SNAP91: variants seen among roughly 807,000 people sequenced by gnomAD.
SNAP91 encodes clathrin coat assembly protein AP180.
In SNAP91, 27 loss-of-function variants were observed where a neutral mutation model predicts 100.3. The ratio of observed to expected loss-of-function variants is 0.27; its 90% CI spans 0.20 to 0.37. The LOEUF (loss-of-function observed/expected upper bound fraction) is 0.37, where lower values mean the gene tolerates loss of function less well. Among genes scored for constraint, SNAP91 ranks in the 10% least tolerant of loss-of-function variants. SNAP91 has a pLI of 1.00. For synonymous variants in SNAP91, 404 were observed against 398.6 expected, an observed-to-expected ratio of 1.01 and a Z score of -0.16; for missense variants, 986 against 1,123.7, an observed-to-expected ratio of 0.88 and a Z score of 1.75.
At chr6:83,577,519 T>C (rs9341963) in intron 24 of SNAP91, among the ~76,000 whole-genome samples, 117,657 of 152,014 alleles carry the variant, frequency 0.77, 45,979 homozygotes, top group East Asian at 0.88. Context: ...ATGAATCCCT[T>C]GTCAAATTTC....
chr6:83,661,472 CT>C, intron 5 of SNAP91, 29 bp downstream of exon 5: 1 of 1,367,090 alleles, frequency 7.3e-7, no homozygotes. Context: ...TTATTCTCCT[CT>C]AATAAATATA....
Position 83,658,990 on chromosome 6 carries a change from G to A in SNAP91, c.546+9C>T, listed in dbSNP as rs2098472366. On this transcript the variant is annotated intron_variant, in intron 6 of 29. Transcript: ENST00000369694. Reference sequence around the variant, plus strand: ...TTGTGTATGAAACATTTTCTAGTGAGATACATACATCAAATTCAAGCAGTG... The same window carrying A: ...TTGTGTATGAAACATTTTCTAGTGAAATACATACATCAAATTCAAGCAGTG... 4 of 1,576,700 alleles carry A rather than the reference G, an allele frequency of 2.5e-6. No individual in the cohort carries two copies. The Admixed American group carries it at 7.1e-5, about 28-fold the overall frequency.
In SNAP91 at chr6:83,705,327, G is replaced by A. The variant is rs574920506; in HGVS notation, c.130+2471C>T. Among the ~76,000 whole-genome samples, 4 of 152,038 alleles carry A rather than the reference G, an allele frequency of 2.6e-5. No homozygotes were observed. The South Asian group carries it at 6.2e-4, about 24-fold the overall frequency. On this transcript the variant is annotated intron_variant, in intron 2 of 29. Transcript: ENST00000369694. Reference sequence around the variant, plus strand: ...CATGATAGAATTAAAATTTTTTCATGCATATTATAAAGACTGCAATATGTA... The same window carrying A: ...CATGATAGAATTAAAATTTTTTCATACATATTATAAAGACTGCAATATGTA...
At chr6:83,591,424 G>A (rs755544011) in intron 21 of SNAP91, 130 bp from the exon 22 acceptor site, 7 of 587,866 alleles carry the variant, frequency 1.2e-5, no homozygotes, top group Middle Eastern at 2.7e-4. Flanking sequence ...TTGTGGGTGT[G>A]TGAAATGATC....
At chr6:83,672,978 C>T (rs1343387486) in intron 2 of SNAP91, among the ~76,000 whole-genome samples, 2 of 152,078 alleles carry the variant, frequency 1.3e-5, no homozygotes, top group Non-Finnish European at 2.9e-5. Flanking sequence ...ATTTTATAAT[C>T]ATCTTGTAAA....
At chr6:83,661,009 C>T (rs1242532772) in intron 5 of SNAP91, among the ~76,000 whole-genome samples, 1 of 151,840 alleles carries the variant, frequency 6.6e-6, no homozygotes, top group East Asian at 1.9e-4. Context: ...TTAACTCCTA[C>T]GTTGCCCAGG....
intron 26 of SNAP91, among the ~76,000 whole-genome samples, chr6:83,568,648 T>C (rs1405971460): frequency 1.3e-5 from 2 of 152,150 alleles, no homozygotes; most frequent in Non-Finnish European, 2.9e-5. Flanking sequence ...TAGATCTAAC[T>C]TGGGTTCTGT....
intron 10 of SNAP91, among the ~76,000 whole-genome samples, chr6:83,616,768 C>T (rs544331251): frequency 6.6e-6 from 1 of 152,180 alleles, no homozygotes; most frequent in Non-Finnish European, 1.5e-5. Flanking sequence ...TACTAATTTG[C>T]TGCATTAGCC....
At chr6:83,620,578 T>A (rs2096673651) in intron 9 of SNAP91, among the ~76,000 whole-genome samples, 1 of 152,212 alleles carries the variant, frequency 6.6e-6, no homozygotes, top group Non-Finnish European at 1.5e-5. Flanking sequence ...CGAGGGGCTC[T>A]ACACAGGAAT....
chr6:83,699,092 C>T (rs972917574), intron 2 of SNAP91, among the ~76,000 whole-genome samples: 9 of 152,102 alleles, frequency 5.9e-5, no homozygotes, highest in Non-Finnish European at 1.2e-4. Flanking sequence ...CCTGTGGAAC[C>T]TCTCTGAAGC....
rs528451821 is a variant in SNAP91 at position 83,593,854 on chromosome 6, T to A, written c.1433-113A>T. 2.8e-6 allele frequency: 4 copies of A among 1,417,852 alleles called. No individual in the cohort carries two copies. In the African/African-American group the frequency reaches 5.7e-5, roughly 20 times the overall value. 87.8% of individuals were successfully genotyped at this position (1,417,852 alleles called of 1,614,324 possible). A position where few individuals can be genotyped will look rare whatever the true frequency, so the allele number is the denominator to read the frequency against. On this transcript the variant is annotated intron_variant, in intron 17 of 29. Coordinates refer to ENST00000369694, the MANE Select transcript of SNAP91 (RefSeq NM_001242792.2). ...TACAGATATTTACACACTAGCTAGG[T>A]GTGAGGCTCCTTGGATTTAACTACT... is the stretch of plus-strand genomic sequence containing the variant.
intron 7 of SNAP91, among the ~76,000 whole-genome samples, chr6:83,642,518 CTCA>C (rs1012899417): frequency 2.6e-5 from 4 of 152,188 alleles, no homozygotes; most frequent in Non-Finnish European, 5.9e-5. Context: ...AGGACATGAA[CTCA>C]TCATTTTTTA....
intron 16 of SNAP91, among the ~76,000 whole-genome samples, chr6:83,597,357 TA>T (rs2094587330): frequency 6.6e-6 from 1 of 152,182 alleles, no homozygotes; most frequent in South Asian, 2.1e-4. Context: ...TGTTAAAAAA[TA>T]AACAAAACTT....
chr6:83,603,194 C>CA (rs930942727), intron 14 of SNAP91, among the ~76,000 whole-genome samples: 7 of 151,772 alleles, frequency 4.6e-5, no homozygotes, highest in African/African-American at 1.7e-4. Flanking sequence ...ATGTGTTTAT[C>CA]AAAAAAACTT....
At chr6:83,605,249 T>A (rs2095537900) in intron 14 of SNAP91, among the ~76,000 whole-genome samples, 1 of 152,126 alleles carries the variant, frequency 6.6e-6, no homozygotes, top group Non-Finnish European at 1.5e-5. Flanking sequence ...TAAAATCAAT[T>A]CAGGCCTAAA....
At position 83,616,955 on chromosome 6, in the gene SNAP91, C is replaced by A; in HGVS notation, c.878+14G>T. The stretch of plus-strand genomic sequence containing the variant: ...TATTTTTCATCTTATTTAGAATATA[C>A]AACTAATGCGTACTTGTTTCCAGGT... On this transcript the variant is annotated intron_variant, in intron 10 of 29. Transcript: ENST00000369694. 1 of 1,504,582 alleles carries A rather than the reference C, an allele frequency of 6.6e-7. No individual in the cohort carries two copies. The allele number at this position is 1,504,582 out of a possible 1,614,324, so 93.2% of individuals were successfully genotyped here. A position where few individuals can be genotyped will look rare whatever the true frequency, so the allele number is the denominator to read the frequency against.
intron 12 of SNAP91, among the ~76,000 whole-genome samples, chr6:83,610,097 C>T (rs1430097977): frequency 3.3e-5 from 5 of 152,068 alleles, no homozygotes; most frequent in Non-Finnish European, 7.4e-5. Flanking sequence ...CCAGCAATTC[C>T]ACTTCTGGGT....
In SNAP91 at chr6:83,593,245, T is replaced by G. The variant is rs761985315; in HGVS notation, c.1711A>C (p.Thr571Pro). ...LDIFGDLFES[T>P]PEVAAAPKPD... ...TTAGGCGCTGCAGCAACTTCAGGAGTGGACTCAAATAAATCTAAGACCAAG... is the reference window on the plus strand; with the variant it reads ...TTAGGCGCTGCAGCAACTTCAGGAGGGGACTCAAATAAATCTAAGACCAAG... Residue 571 changes from threonine to proline, a missense_variant, in exon 19 of 30, where the codon ACT (threonine) becomes CCT (proline). Thr to Pro is a conservative substitution (Grantham distance 38, BLOSUM62 -1). Coordinates refer to ENST00000369694, the MANE Select transcript of SNAP91 (RefSeq NM_001242792.2). 6.3e-7 allele frequency: 1 copy of G among 1,591,850 alleles called. No individual in the cohort carries two copies. Among genetic ancestry groups the G allele is most frequent in the South Asian group, 1.1e-5 (1 of 87,042 alleles).
At chr6:83,707,663 G>C (rs767881324) in intron 2 of SNAP91, 135 bp downstream of exon 2, 4 of 1,200,686 alleles carry the variant, frequency 3.3e-6, no homozygotes, top group Non-Finnish European at 4.6e-6. Context: ...CACAGCTGAA[G>C]AATTTCAGCT....
Sources: allele counts gnomAD v4.1 joint callset (sites outside exome capture counted in the v4.1 genomes callset), GRCh38; gene constraint gnomAD v4.1.1; transcripts MANE v1.5; gene names NCBI Gene and HGNC (gene_info 2026-07-23, HGNC 2026-07-21).